JCAD: variants seen among roughly 807,000 people sequenced by gnomAD.
The protein encoded by JCAD is junctional cadherin 5-associated protein.
A neutral mutation model predicts 98.0 loss-of-function variants in JCAD; 40 were observed. That is an observed-to-expected ratio of 0.41 (90% CI 0.32 to 0.53). The LOEUF (loss-of-function observed/expected upper bound fraction) is 0.53. Ranked by LOEUF, JCAD falls within the 20% of genes least tolerant of loss-of-function variation. The probability of loss-of-function intolerance (pLI) is 0.31; values close to 1 mark genes in which losing one functional copy is unlikely to be tolerated. For missense variants in JCAD, 1,705 were observed against 1,738.1 expected (o/e 0.98, Z 0.34); for synonymous variants, 691 against 682.3 (o/e 1.01, Z -0.20).
intron 1 of JCAD, among the ~76,000 whole-genome samples, chr10:30,076,479 CTCT>C (rs1208679634): frequency 6.6e-6 from 1 of 151,916 alleles, no homozygotes; most frequent in Non-Finnish European, 1.5e-5. Flanking sequence ...GTCTTTTTTT[CTCT>C]TATTTTATGT....
intron 1 of JCAD, among the ~76,000 whole-genome samples, chr10:30,101,751 A>T (rs898657855): frequency 2.6e-5 from 4 of 152,152 alleles, no homozygotes; most frequent in African/African-American, 9.7e-5. Context: ...TTTGGTTCAT[A>T]GTCTTTTAAG....
Position 30,059,212 on chromosome 10 carries a change from C to T in JCAD, c.-60+270G>A, listed in dbSNP as rs1455444010. Among the ~76,000 whole-genome samples, 3 of 151,566 alleles carry T rather than the reference C, an allele frequency of 2.0e-5. No homozygotes were observed. The highest frequency in any genetic ancestry group is 2.9e-5 in the Non-Finnish European group (2 of 67,842). On this transcript the variant is annotated intron_variant, in intron 1 of 3. Transcript: ENST00000375377. This position sits in a 1 kb window ranked among gnomAD's most constrained non-coding sequence, Gnocchi z 5.0. ...CGCCCCGGGACCCCCGCGCTCCGAG[C>T]GGGGCACCTGAGGGGAGGGGACGCC...
intron 1 of JCAD, among the ~76,000 whole-genome samples, chr10:30,103,138 G>A (rs559774902): frequency 2.8e-4 from 43 of 152,166 alleles, no homozygotes; most frequent in African/African-American, 6.3e-4. Context: ...CAAGATTTTC[G>A]CCTTTTTTAA....
At chr10:30,078,700 C>G (rs1242212660) in intron 1 of JCAD, among the ~76,000 whole-genome samples, 1 of 151,992 alleles carries the variant, frequency 6.6e-6, no homozygotes, top group Non-Finnish European at 1.5e-5. Context: ...CACTACTACA[C>G]AAAAAGTCAC....
Position 30,081,901 on chromosome 10 carries a change from T to C in JCAD, n.129-12080A>G, listed in dbSNP as rs554512951. 5.9e-5 allele frequency among the ~76,000 whole-genome samples: 9 copies of C among 152,316 alleles called. No homozygotes were observed. In the South Asian group the frequency reaches 1.9e-3, roughly 32 times the overall value. ...ACTTGTTTGGAAGCTGTGTGTAGTA[T>C]TATAACCTCCAGTATGGCCTATAAT... On this transcript the variant is annotated intron_variant and non_coding_transcript_variant, in intron 1 of 2. Coordinates refer to the JCAD transcript ENST00000465712.
upstream of JCAD, among the ~76,000 whole-genome samples, chr10:30,060,912 C>T (rs1055754126): frequency 1.3e-5 from 2 of 152,098 alleles, no homozygotes; most frequent in African/African-American, 2.4e-5. Context: ...TTAGTAGCAA[C>T]GTATAATCTA....
Position 30,047,732 on chromosome 10 carries a change from G to A in JCAD, c.81C>T (p.Pro27=). 1.2e-6 allele frequency: 2 copies of A among 1,614,228 alleles called. No individual in the cohort carries two copies. The highest frequency in any genetic ancestry group is 1.7e-6 in the Non-Finnish European group (2 of 1,180,038). The part of the protein sequence containing the change: ...RDPPASREDN[P]KGRQAARTGT... ...CAGTCCTCGCTGCCTGGCGCCCCTT[G>A]GGGTTATCCTCGCGTGATGCTGGGG... The change falls in exon 2 of 4, where the codon CCC becomes CCT. Residue 27 remains proline, a synonymous_variant. Coordinates refer to ENST00000375377, the MANE Select transcript of JCAD (RefSeq NM_020848.4).
intron 1 of JCAD, among the ~76,000 whole-genome samples, chr10:30,102,426 C>T (rs965653395): frequency 3.9e-5 from 6 of 152,226 alleles, no homozygotes; most frequent in Admixed American, 1.3e-4. Flanking sequence ...CTGCCTCAGC[C>T]TCCCAAAGTG....
intron 1 of JCAD, among the ~76,000 whole-genome samples, chr10:30,100,174 T>G (rs539811762): frequency 6.6e-6 from 1 of 152,148 alleles, no homozygotes; most frequent in Non-Finnish European, 1.5e-5. Context: ...TAGCTTGCCT[T>G]GCTGAGAATT....
chr10:30,104,437 C>G (rs576950935), intron 1 of JCAD, among the ~76,000 whole-genome samples: 2 of 152,178 alleles, frequency 1.3e-5, no homozygotes. Flanking sequence ...CACATGGATG[C>G]AGCGGAAGGT....
rs769511083 is a variant in JCAD at position 30,028,185 on chromosome 10, G to C, written c.1963C>G (p.Pro655Ala). The change falls in exon 3 of 4, where the codon CCA becomes GCA. Residue 655 changes from proline to alanine, a missense_variant. Physicochemically the swap from Pro to Ala is conservative, Grantham distance 27. Coordinates refer to ENST00000375377, the MANE Select transcript of JCAD (RefSeq NM_020848.4). ...TEFQKQDLGE[P>A]EEDRQTNDLS... ...TCATTTGTTTGTCTGTCTTCTTCTGGTTCCCCTAGATCTTGTTTTTGGAAC... is the reference window on the plus strand; with the variant it reads ...TCATTTGTTTGTCTGTCTTCTTCTGCTTCCCCTAGATCTTGTTTTTGGAAC... The C allele has an allele frequency of 6.2e-7, 1 of 1,614,038 alleles. No homozygotes were observed. The highest frequency in any genetic ancestry group is 8.5e-7 in the Non-Finnish European group (1 of 1,180,056).
chr10:30,090,040 C>T (rs1838235938), intron 1 of JCAD, among the ~76,000 whole-genome samples: 1 of 152,200 alleles, frequency 6.6e-6, no homozygotes, highest in South Asian at 2.1e-4. Context: ...CTGATGGGTG[C>T]TTATGTAGTC....
intron 1 of JCAD, among the ~76,000 whole-genome samples, chr10:30,053,841 C>T (rs59094114): frequency 0.081 from 12,296 of 151,868 alleles, 780 homozygotes; most frequent in East Asian, 0.22. Context: ...GGTGGGCAGA[C>T]CACCCGAGGT....
At chr10:30,039,388 C>T (rs113426835) in intron 2 of JCAD, among the ~76,000 whole-genome samples, 2,308 of 152,354 alleles carry the variant, frequency 0.015, 59 homozygotes, top group African/African-American at 0.053. Context: ...GCCCTTCCCA[C>T]CTGATGGGTG....
At chr10:30,033,270 C>T (rs1426135823) in intron 2 of JCAD, among the ~76,000 whole-genome samples, 2 of 152,208 alleles carry the variant, frequency 1.3e-5, no homozygotes, top group African/African-American at 4.8e-5. Flanking sequence ...TGTATTCCCT[C>T]ACACACACAG....
chr10:30,092,293 C>G (rs4749530), intron 1 of JCAD, among the ~76,000 whole-genome samples: 69,709 of 149,856 alleles, frequency 0.47, 18,388 homozygotes, highest in African/African-American at 0.72. Flanking sequence ...CGCTGTGCAC[C>G]GGGACCCAGG....
rs767367414 is a variant in JCAD, at chr10:30,028,703, G to T, written c.1445C>A (p.Pro482His). 2 of 1,611,684 alleles carry T rather than the reference G, an allele frequency of 1.2e-6. No homozygotes were observed. Among genetic ancestry groups the T allele is most frequent in the East Asian group, 4.5e-5 (2 of 44,858 alleles). ...CAGGCCTCTCTCATCCCCCGACGGG[G>T]GTATTAAGCTCTGTGGATTCCAAAT... ...GAIWNPQSLI[P>H]PSGDERGLVL... Residue 482 changes from proline (P) to histidine (H), a missense_variant, in exon 3 of 4, where the codon CCC becomes CAC. Transcript: ENST00000375377.
intron 2 of JCAD, among the ~76,000 whole-genome samples, chr10:30,041,421 T>C (rs1330908519): frequency 6.6e-6 from 1 of 152,222 alleles, no homozygotes; most frequent in Admixed American, 6.5e-5. Context: ...TAGAAACAGA[T>C]GTTAAACTTG....
chr10:30,096,185 T>C lies in JCAD; in HGVS notation n.128+19182A>G, dbSNP rs1023591243. 2.6e-5 allele frequency among the ~76,000 whole-genome samples: 4 copies of C among 152,186 alleles called. No individual in the cohort carries two copies. The East Asian group carries it at 7.7e-4, about 29-fold the overall frequency. Reference sequence around the variant, plus strand: ...CTGTAACCCTGCCTCTCTGTCTTCCTGACTCACCTGCCCCACCGCCCCAGG... The same window carrying C: ...CTGTAACCCTGCCTCTCTGTCTTCCCGACTCACCTGCCCCACCGCCCCAGG... On this transcript the variant is annotated intron_variant and non_coding_transcript_variant, in intron 1 of 2. Coordinates refer to the JCAD transcript ENST00000465712.
Sources: gnomAD v4.1 joint callset for allele counts (sites outside exome capture counted in the v4.1 genomes callset) on GRCh38, gnomAD v4.1.1 for gene constraint, Gnocchi (gnomAD v3.1) non-coding constraint, MANE v1.5 for transcripts, NCBI Gene and HGNC (gene_info 2026-07-23, HGNC 2026-07-21) for gene names.